Variants in CLIP2 observed in about 807,000 individuals in gnomAD.
The protein encoded by CLIP2 is CAP-Gly domain containing linker protein 2, also known as CAP-Gly domain-containing linker protein 2.
CLIP2 carries 41 observed loss-of-function variants against 111.7 expected under a neutral mutation model. The ratio of observed to expected loss-of-function variants is 0.37; its 90% confidence interval spans 0.29 to 0.48. The LOEUF is 0.48. CLIP2 is among the 20% of genes least tolerant of loss of function. The pLI, the probability that CLIP2 is intolerant of heterozygous loss-of-function variation, is 0.99. For synonymous variants in CLIP2, 660 were observed against 644.2 expected (o/e 1.02, Z -0.37); for missense variants, 1,160 against 1,422.1 (o/e 0.82, Z 2.96).
chr7:74,331,574 T>C (rs1554731308), intron 2 of CLIP2, among the ~76,000 whole-genome samples: 2 of 136,526 alleles, frequency 1.5e-5, no homozygotes, highest in Non-Finnish European at 3.2e-5. Context: ...TTTTTTTTTT[T>C]TTTTTTTTTT....
rs576565142 is a variant in CLIP2 at position 74,346,583 on chromosome 7, T to G, written c.679-7297T>G. 2.4e-4 allele frequency among the ~76,000 whole-genome samples: 37 copies of G among 151,776 alleles called. No individual in the cohort carries two copies. In the South Asian group the frequency reaches 7.7e-3, roughly 32 times the overall value. ...ACTAAAAATACAAAAGTTAGCTGGG[T>G]GTGGTGGCGCACGCCTGTAATCCAA... On this transcript the variant is annotated intron_variant, in intron 3 of 16. Transcript: ENST00000223398.
At chr7:74,362,317 C>T (rs1790349265) in intron 7 of CLIP2, among the ~76,000 whole-genome samples, 1 of 152,082 alleles carries the variant, frequency 6.6e-6, no homozygotes, top group African/African-American at 2.4e-5. Flanking sequence ...CCCCAGGCAG[C>T]AGCCAGCCCC....
intron 12 of CLIP2, among the ~76,000 whole-genome samples, chr7:74,387,653 T>C (rs1791152348): frequency 6.6e-6 from 1 of 152,264 alleles, no homozygotes; most frequent in Admixed American, 6.5e-5. Context: ...CATCCCCCAG[T>C]ACAAGGCAGA....
intron 1 of CLIP2, among the ~76,000 whole-genome samples, chr7:74,295,137 A>T (rs1788133155): frequency 6.6e-6 from 1 of 151,888 alleles, no homozygotes; most frequent in Admixed American, 6.6e-5. Flanking sequence ...TAATTTTTAT[A>T]TTTTTTTGTA....
At chr7:74,368,246 G>C (rs948291933) in intron 8 of CLIP2, among the ~76,000 whole-genome samples, 1 of 152,030 alleles carries the variant, frequency 6.6e-6, no homozygotes, top group African/African-American at 2.4e-5. Flanking sequence ...GGCCGGGCGC[G>C]GTGGCTCACG....
At chr7:74,312,917 G>A (rs781838730) in intron 1 of CLIP2, among the ~76,000 whole-genome samples, 5 of 152,132 alleles carry the variant, frequency 3.3e-5, no homozygotes, top group Admixed American at 6.6e-5. Context: ...CTGACTCATC[G>A]GATGCCCTCA....
At chr7:74,401,691 C>T in intron 16 of CLIP2, 124 bp downstream of exon 16, 1 of 994,384 alleles carries the variant, frequency 1.0e-6, no homozygotes, top group Non-Finnish European at 1.5e-6. Flanking sequence ...ACAGTAGGGT[C>T]CCTCAGGGAG....
intron 1 of CLIP2, among the ~76,000 whole-genome samples, chr7:74,294,657 C>G (rs1387170760): frequency 4.6e-5 from 7 of 152,188 alleles, no homozygotes; most frequent in Non-Finnish European, 1.0e-4. Flanking sequence ...GTAGCTAAAC[C>G]TGGCTGATGC....
At chr7:74,372,634 C>A (rs962122242) in intron 8 of CLIP2, among the ~76,000 whole-genome samples, 3 of 152,020 alleles carry the variant, frequency 2.0e-5, no homozygotes, top group African/African-American at 7.2e-5. Flanking sequence ...CTACCCCAAG[C>A]AGGGGCCAGC....
chr7:74,308,596 C>G (rs1443870810), intron 1 of CLIP2, among the ~76,000 whole-genome samples: 2 of 152,086 alleles, frequency 1.3e-5, no homozygotes, highest in Non-Finnish European at 2.9e-5. Flanking sequence ...CCTCCGCCTT[C>G]CGGGTTCAAG....
chr7:74,387,679 G>T (rs1791153447), intron 12 of CLIP2, among the ~76,000 whole-genome samples: 1 of 152,204 alleles, frequency 6.6e-6, no homozygotes, highest in Non-Finnish European at 1.5e-5. Flanking sequence ...CCCCAAAAAA[G>T]GTCAGTGGAC....
chr7:74,378,816 G>A (rs986151601), intron 10 of CLIP2, among the ~76,000 whole-genome samples: 7 of 152,094 alleles, frequency 4.6e-5, no homozygotes, highest in African/African-American at 1.7e-4. Context: ...GAATCCAGGG[G>A]GCTTTTTTTG....
At chr7:74,352,874 T>C (rs1790046480) in intron 3 of CLIP2, among the ~76,000 whole-genome samples, 1 of 151,906 alleles carries the variant, frequency 6.6e-6, no homozygotes, top group Non-Finnish European at 1.5e-5. Flanking sequence ...TAGCTGGGTG[T>C]GGTGGCACAT....
At chr7:74,302,568 C>T (rs1788369600) in intron 1 of CLIP2, among the ~76,000 whole-genome samples, 1 of 152,150 alleles carries the variant, frequency 6.6e-6, no homozygotes. Context: ...GGACCGGAAC[C>T]CAGGCTTCTA....
chr7:74,325,772 C>T (rs1418481912), intron 2 of CLIP2, among the ~76,000 whole-genome samples: 5 of 151,206 alleles, frequency 3.3e-5, no homozygotes, highest in African/African-American at 1.2e-4. Context: ...GTTGAGGTTG[C>T]AGTGAGCTTA....
At chr7:74,394,412 G>A (rs1476551085) in intron 13 of CLIP2, among the ~76,000 whole-genome samples, 2 of 151,856 alleles carry the variant, frequency 1.3e-5, no homozygotes, top group African/African-American at 2.4e-5. Context: ...CACCATGCCG[G>A]GCTAATTTTG....
At chr7:74,369,121 C>T (rs1790536724) in intron 8 of CLIP2, among the ~76,000 whole-genome samples, 1 of 152,174 alleles carries the variant, frequency 6.6e-6, no homozygotes, top group African/African-American at 2.4e-5. Context: ...GAGGCCAAGG[C>T]AGGTGGATCA....
At chr7:74,363,555 T>C (rs1171184193) in intron 7 of CLIP2, among the ~76,000 whole-genome samples, 1 of 152,192 alleles carries the variant, frequency 6.6e-6, no homozygotes, top group Non-Finnish European at 1.5e-5. Flanking sequence ...CCACAGGTTG[T>C]TCCTTGTGGT....
intron 1 of CLIP2, among the ~76,000 whole-genome samples, chr7:74,292,487 AG>A (rs1788053521): frequency 6.6e-6 from 1 of 152,106 alleles, no homozygotes. Flanking sequence ...CCCAGATTCA[AG>A]TGATTCTCCT....
Sources: allele counts gnomAD v4.1 joint callset (sites outside exome capture counted in the v4.1 genomes callset), GRCh38; gene constraint gnomAD v4.1.1; transcripts MANE v1.5; gene names NCBI Gene and HGNC (gene_info 2026-07-23, HGNC 2026-07-21).